The following TAB2 variants were observed in gnomAD, a reference collection of about 807,000 sequenced individuals.
The protein encoded by TAB2 is TGF-beta-activated kinase 1 and MAP3K7-binding protein 2.
TAB2 carries 3 observed loss-of-function variants against 65.0 expected under a neutral mutation model. The observed-to-expected ratio is 0.05, with a 90% CI of 0.02 to 0.12. TAB2 has a LOEUF of 0.12. Among genes scored for constraint, TAB2 ranks in the 10% least tolerant of loss-of-function variants. The probability of loss-of-function intolerance (pLI) is 1.00; values close to 1 mark genes in which losing one functional copy is unlikely to be tolerated. For synonymous variants in TAB2, 298 were observed against 285.1 expected, an observed-to-expected ratio of 1.05 and a Z score of -0.46; for missense variants, 623 against 840.3, an observed-to-expected ratio of 0.74 and a Z score of 3.20.
intron 3 of TAB2, among the ~76,000 whole-genome samples, chr6:149,389,848 C>T (rs1781926084): frequency 6.6e-6 from 1 of 151,908 alleles, no homozygotes; most frequent in African/African-American, 2.4e-5. Flanking sequence ...AAATAAAGGC[C>T]AGCAAATTAT....
At chr6:149,323,007 C>G (rs925995930) in intron 1 of TAB2, among the ~76,000 whole-genome samples, 5 of 152,088 alleles carry the variant, frequency 3.3e-5, no homozygotes, top group African/African-American at 1.2e-4. Flanking sequence ...ACATGTCTTC[C>G]TTTCAGTCTT....
At chr6:149,312,936 G>C (rs1359906663), upstream of TAB2, among the ~76,000 whole-genome samples, 1 of 151,974 alleles carries the variant, frequency 6.6e-6, no homozygotes, top group Non-Finnish European at 1.5e-5. Context: ...TAAATCTCTT[G>C]AACTTATTCC....
intron 1 of TAB2, among the ~76,000 whole-genome samples, chr6:149,319,110 A>T (rs919518776): frequency 6.6e-6 from 1 of 152,278 alleles, no homozygotes; most frequent in East Asian, 1.9e-4. Context: ...TAAAGTGTCT[A>T]ATTTTGGGGT....
chr6:149,274,149 G>A lies in TAB2; in HGVS notation c.-121+55373G>A, dbSNP rs562967998. Among the ~76,000 whole-genome samples the A allele has an allele frequency of 3.3e-5, 5 of 152,194 alleles. 1 individual carries two copies. The South Asian group carries it at 8.3e-4, about 25-fold the overall frequency. On this transcript the variant is annotated intron_variant, in intron 1 of 1. Coordinates refer to the TAB2 transcript ENST00000606202. The stretch of plus-strand genomic sequence containing the variant: ...TGGTGGAATCTTGCCCCAGGGCCCA[G>A]AACCATCAATTTTCCATGTGACATA...
At chr6:149,398,085 CT>C in intron 5 of TAB2, 23 bp downstream of exon 5, 1 of 1,596,614 alleles carries the variant, frequency 6.3e-7, no homozygotes, top group Non-Finnish European at 8.6e-7. Context: ...GTATTTGTAG[CT>C]GAAATTCATC....
intron 1 of TAB2, among the ~76,000 whole-genome samples, chr6:149,286,088 G>T (rs762259792): frequency 6.6e-6 from 1 of 151,658 alleles, no homozygotes; most frequent in African/African-American, 2.4e-5. Flanking sequence ...TAAAAATGAG[G>T]TATACACTAC....
At chr6:149,260,184 G>T (rs996375300) in intron 1 of TAB2, among the ~76,000 whole-genome samples, 1 of 152,156 alleles carries the variant, frequency 6.6e-6, no homozygotes, top group Admixed American at 6.5e-5. Flanking sequence ...GAGGTAAACC[G>T]GCTCAGGCAC....
At chr6:149,329,668 G>T (rs915198922) in intron 1 of TAB2, among the ~76,000 whole-genome samples, 4 of 149,288 alleles carry the variant, frequency 2.7e-5, no homozygotes, top group South Asian at 2.2e-4. Context: ...TTGGAGCTGG[G>T]GGGGGCGGGG....
At chr6:149,231,601 CACTGCATATGT>C (rs1777407880) in intron 1 of TAB2, among the ~76,000 whole-genome samples, 1 of 152,168 alleles carries the variant, frequency 6.6e-6, no homozygotes, top group Non-Finnish European at 1.5e-5. Context: ...AGCACTTAAT[CACTGCATATGT>C]ACATATGTAG....
chr6:149,300,053 A>G (rs1212982913), intron 1 of TAB2, among the ~76,000 whole-genome samples: 1 of 152,180 alleles, frequency 6.6e-6, no homozygotes, highest in Non-Finnish European at 1.5e-5. Context: ...TTCTGGCTAA[A>G]GGTAGAAATA....
intron 1 of TAB2, chr6:149,255,108 C>T (rs1203959373): frequency 6.6e-6 from 1 of 152,218 alleles, no homozygotes; most frequent in African/African-American, 2.4e-5. Flanking sequence ...GAAGCCCTAA[C>T]CCCCAATGTA....
At chr6:149,308,917 C>T (rs1450653683) in intron 1 of TAB2, among the ~76,000 whole-genome samples, 2 of 152,084 alleles carry the variant, frequency 1.3e-5, no homozygotes, top group Admixed American at 6.6e-5. Context: ...AATATTAACT[C>T]TTAGTTTCTG....
intron 6 of TAB2, among the ~76,000 whole-genome samples, chr6:149,407,623 T>C (rs1246928104): frequency 1.3e-5 from 2 of 152,166 alleles, no homozygotes; most frequent in Non-Finnish European, 2.9e-5. Flanking sequence ...ACACATTAAC[T>C]TCATGAATAG....
chr6:149,223,317 T>G (rs1777194813), intron 1 of TAB2, among the ~76,000 whole-genome samples: 1 of 152,254 alleles, frequency 6.6e-6, no homozygotes, highest in Non-Finnish European at 1.5e-5. Flanking sequence ...GTCAGTCTTT[T>G]CCAGTACCTC....
rs138233323 is a variant in TAB2 at position 149,371,477 on chromosome 6, A to G, written c.102+1378A>G. 5.0e-3 allele frequency among the ~76,000 whole-genome samples: 764 copies of G among 152,284 alleles called. 8 individuals carry two copies. The highest frequency in any genetic ancestry group is 0.018 in the African/African-American group (739 of 41,564). On this transcript the variant is annotated intron_variant, in intron 2 of 6. Transcript: ENST00000637181. Reference sequence around the variant, plus strand: ...TTCTGGTCATCCTGAGCTGCATGGAATTCTCCCACCAGCAATGCCTTTTCT... The same window carrying G: ...TTCTGGTCATCCTGAGCTGCATGGAGTTCTCCCACCAGCAATGCCTTTTCT...
chr6:149,408,815 C>T (rs1782749174), intron 6 of TAB2, among the ~76,000 whole-genome samples: 1 of 152,072 alleles, frequency 6.6e-6, no homozygotes, highest in Non-Finnish European at 1.5e-5. Context: ...CATTCTAGAA[C>T]ATTGGTCTCT....
intron 1 of TAB2, among the ~76,000 whole-genome samples, chr6:149,275,125 G>GTTTT (rs370658789): frequency 5.2e-4 from 35 of 67,824 alleles, no homozygotes; most frequent in African/African-American, 2.0e-3. Flanking sequence ...CTCTTCTTCT[G>GTTTT]TTTTTTTTTT....
intron 1 of TAB2, among the ~76,000 whole-genome samples, chr6:149,225,354 G>GA (rs71707803): frequency 1.0e-4 from 15 of 145,014 alleles, no homozygotes; most frequent in East Asian, 6.0e-4. Flanking sequence ...GCGGGGGAAA[G>GA]AAAAAAAAAA....
intron 1 of TAB2, among the ~76,000 whole-genome samples, chr6:149,324,701 C>T (rs1779547546): frequency 6.6e-6 from 1 of 152,118 alleles, no homozygotes; most frequent in Admixed American, 6.5e-5. Context: ...CCTTGCAGAA[C>T]ATTGTCCTCA....
Sources: gnomAD v4.1 joint callset for allele counts (sites outside exome capture counted in the v4.1 genomes callset) on GRCh38, gnomAD v4.1.1 for gene constraint, MANE v1.5 for transcripts, NCBI Gene and HGNC (gene_info 2026-07-23, HGNC 2026-07-21) for gene names.